The following IRAG1 variants were observed in gnomAD, a reference collection of about 807,000 sequenced individuals.
IRAG1 encodes inositol 1,4,5-triphosphate receptor associated 1.
Under a neutral mutation model 106.2 loss-of-function variants are expected in IRAG1, and 62 were observed. That is an observed-to-expected ratio of 0.58 (90% CI 0.48 to 0.72). The LOEUF (loss-of-function observed/expected upper bound fraction) is 0.72, where lower values mean the gene tolerates loss of function less well. Ranked by LOEUF, IRAG1 falls within the 30% of genes least tolerant of loss-of-function variation. IRAG1 has a pLI of 0.00. For synonymous variants in IRAG1, 462 were observed against 443.9 expected (o/e 1.04, Z -0.51); for missense variants, 1,064 against 1,140.7 (o/e 0.93, Z 0.97).
chr11:10,685,650 G>A lies in IRAG1; in HGVS notation c.67+7886C>T, dbSNP rs111577162. 4.5e-3 allele frequency among the ~76,000 whole-genome samples: 686 copies of A among 151,650 alleles called. 2 individuals are homozygous for A. Among genetic ancestry groups the A allele is most frequent in the African/African-American group, 0.016 (665 of 41,248 alleles). The stretch of plus-strand genomic sequence containing the variant: ...GTGGGAGGATCACTTGAGCCAGGGA[G>A]GTCAAGCCTGCAAGTCAGCTGTGAC... On this transcript the variant is annotated intron_variant, in intron 1 of 20. Transcript: ENST00000423302.
chr11:10,638,061 C>T (rs1236562695), intron 2 of IRAG1, among the ~76,000 whole-genome samples: 1 of 152,200 alleles, frequency 6.6e-6, no homozygotes, highest in Non-Finnish European at 1.5e-5. Context: ...AGGGATTTGT[C>T]AGTGTTTCTG....
rs115205321 is a variant in IRAG1, at chr11:10,639,882, A to T, written c.226-5811T>A. On this transcript the variant is annotated intron_variant, in intron 2 of 20. Transcript: ENST00000423302. ...ATTCTGTTTGGCGTCCAAGAAAGGG[A>T]TGTGGTCTGTGAACACTCCCACATT... Among the ~76,000 whole-genome samples, 617 of 152,232 alleles carry T rather than the reference A, an allele frequency of 4.1e-3. 2 individuals are homozygous for T. The highest frequency in any genetic ancestry group is 0.014 in the African/African-American group (592 of 41,538).
chr11:10,603,021 C>T (rs558109442), intron 14 of IRAG1, 99 bp downstream of exon 14: 2 of 1,391,234 alleles, frequency 1.4e-6, no homozygotes, highest in East Asian at 5.0e-5. Flanking sequence ...CAGAGGAAGC[C>T]ACCTCTAAGT....
chr11:10,592,773 A>C (rs983660378), intron 17 of IRAG1, among the ~76,000 whole-genome samples: 4 of 152,258 alleles, frequency 2.6e-5, no homozygotes, highest in Admixed American at 2.0e-4. Flanking sequence ...GAAGAAAATA[A>C]AAATGAACTA....
At chr11:10,617,556 G>C (rs1197522976) in intron 10 of IRAG1, among the ~76,000 whole-genome samples, 1 of 152,212 alleles carries the variant, frequency 6.6e-6, no homozygotes, top group Non-Finnish European at 1.5e-5. Flanking sequence ...CTGAGTTAAA[G>C]TGATTTACTA....
intron 16 of IRAG1, chr11:10,593,834 G>C (rs904076645): frequency 8.7e-6 from 5 of 574,666 alleles, no homozygotes; most frequent in Admixed American, 3.1e-5. Flanking sequence ...TGAGATCTTG[G>C]AGATACAGAA....
chr11:10,581,997 G>A lies in IRAG1; in HGVS notation c.2241-11C>T. Reference sequence around the variant, plus strand: ...CCATTTGTCTTTCCACTAGTGAGAAGAGGGAAGTACAGGGCATCATTTCAG... The same window carrying A: ...CCATTTGTCTTTCCACTAGTGAGAAAAGGGAAGTACAGGGCATCATTTCAG... On this transcript the variant is annotated splice_polypyrimidine_tract_variant and intron_variant, in intron 18 of 20. Transcript: ENST00000423302. The A allele has an allele frequency of 6.2e-7, 1 of 1,611,610 alleles. No individual in the cohort carries two copies. Among genetic ancestry groups the A allele is most frequent in the Non-Finnish European group, 8.5e-7 (1 of 1,178,894 alleles).
rs1241925587 is a variant in IRAG1, at chr11:10,652,158, C to A, written c.92G>T (p.Ser31Ile). 5 of 1,613,662 alleles carry A rather than the reference C, an allele frequency of 3.1e-6. No homozygotes were observed. The African/African-American group carries it at 4.0e-5, about 13-fold the overall frequency. The change falls in exon 2 of 21, where the codon AGC becomes ATC. Residue 31 changes from serine to isoleucine, a missense_variant. Transcript: ENST00000423302. ...CTCCGCTGCGTCAGCCCCAAAGATG[C>A]TCCAAGAGGCCTGGGCTCCACAGGC... ...VLACGAQASW[S>I]IFGADAAEVP...
intron 10 of IRAG1, among the ~76,000 whole-genome samples, chr11:10,615,431 G>T (rs1410656527): frequency 1.3e-5 from 2 of 152,100 alleles, no homozygotes. Context: ...CCCATTACTG[G>T]ATATATACCC....
chr11:10,641,314 G>A (rs181237949), intron 2 of IRAG1, among the ~76,000 whole-genome samples: 1 of 152,340 alleles, frequency 6.6e-6, no homozygotes, highest in Admixed American at 6.5e-5. Context: ...TTGGCATTTG[G>A]TTTTGAAAAG....
intron 8 of IRAG1, among the ~76,000 whole-genome samples, chr11:10,626,866 G>T (rs1475165530): frequency 6.6e-6 from 1 of 152,220 alleles, no homozygotes; most frequent in Non-Finnish European, 1.5e-5. Context: ...CCCTAACTCA[G>T]TTGCCCCAGA....
intron 8 of IRAG1, 103 bp downstream of exon 8, chr11:10,627,613 G>T (rs1432621084): frequency 7.3e-6 from 9 of 1,226,602 alleles, no homozygotes; most frequent in Non-Finnish European, 1.1e-5. Flanking sequence ...TCATACGTGT[G>T]CATGCACACA....
In IRAG1 at chr11:10,684,637, TA is replaced by T. The variant is rs927143939; in HGVS notation, c.67+8898del. Among the ~76,000 whole-genome samples the T allele has an allele frequency of 5.0e-4, 72 of 144,310 alleles. No homozygotes were observed. In the East Asian group the frequency reaches 0.013, roughly 26 times the overall value. 94.7% of individuals were successfully genotyped at this position (144,310 alleles called of 152,430 possible). A position where few individuals can be genotyped will look rare whatever the true frequency, so the allele number is the denominator to read the frequency against. On this transcript the variant is annotated intron_variant, in intron 1 of 20. Coordinates refer to ENST00000423302, the MANE Select transcript of IRAG1 (RefSeq NM_130385.4). ...ATAATAATAATAATAATAATAATAA[TA>T]ATAATAATAAAGAGAAAAGGCTGGC...
intron 2 of IRAG1, among the ~76,000 whole-genome samples, chr11:10,640,102 T>C (rs762096702): frequency 5.9e-5 from 9 of 152,188 alleles, no homozygotes; most frequent in Non-Finnish European, 1.2e-4. Flanking sequence ...CCCTCGGTGT[T>C]GATACCTACC....
chr11:10,633,327 G>A (rs1022075377), intron 3 of IRAG1, among the ~76,000 whole-genome samples: 11 of 152,162 alleles, frequency 7.2e-5, no homozygotes, highest in East Asian at 5.8e-4. Flanking sequence ...CACCCGCCTT[G>A]GCCTCCCAAA....
chr11:10,596,473 C>T (rs1853323241), intron 15 of IRAG1, among the ~76,000 whole-genome samples: 2 of 152,078 alleles, frequency 1.3e-5, no homozygotes, highest in South Asian at 4.1e-4. Flanking sequence ...TGCAGTTTCT[C>T]TTTGGTGTGT....
At position 10,600,137 on chromosome 11, in the gene IRAG1, C is replaced by T. The variant is rs575731525; in HGVS notation, c.2017+781G>A. On this transcript the variant is annotated intron_variant, in intron 15 of 20. Transcript: ENST00000423302. ...GTCTTCCTCTATTGACTGGAGAACTCCTATTTTTACTTTAAAACACCAACA... is the reference window on the plus strand; with the variant it reads ...GTCTTCCTCTATTGACTGGAGAACTTCTATTTTTACTTTAAAACACCAACA... Among the ~76,000 whole-genome samples the T allele has an allele frequency of 7.9e-5, 12 of 152,294 alleles. No homozygotes were observed. In the South Asian group the frequency reaches 1.9e-3, roughly 24 times the overall value.
intron 1 of IRAG1, among the ~76,000 whole-genome samples, chr11:10,680,398 AAG>A (rs1861112347): frequency 6.0e-5 from 4 of 66,610 alleles, no homozygotes; most frequent in Admixed American, 4.8e-4. Flanking sequence ...GGAAGGAAGG[AAG>A]GAAGGAAAGA....
chr11:10,665,110 C>T lies in IRAG1; in HGVS notation c.68-12928G>A, dbSNP rs1859688330. On this transcript the variant is annotated intron_variant, in intron 1 of 20. Transcript: ENST00000423302. The surrounding 1 kb of genome is among the most constrained non-coding windows in gnomAD (Gnocchi z 4.2). ...CTTGGCACCAAGTCTTCTCTCACCT[C>T]TCTACTGTGCTGCTTACCTAACCCT... Among the ~76,000 whole-genome samples the T allele has an allele frequency of 6.7e-6, 1 of 150,226 alleles. No homozygotes were observed. Among genetic ancestry groups the T allele is most frequent in the Non-Finnish European group, 1.5e-5 (1 of 67,820 alleles).
Sources: allele counts gnomAD v4.1 joint callset (sites outside exome capture counted in the v4.1 genomes callset), GRCh38; gene constraint gnomAD v4.1.1; non-coding constraint Gnocchi (gnomAD v3.1); transcripts MANE v1.5; gene names NCBI Gene and HGNC (gene_info 2026-07-23, HGNC 2026-07-21).